RAB39A: variants seen among roughly 807,000 people sequenced by gnomAD.
RAB39A encodes ras-related protein Rab-39A.
RAB39A carries 17 observed loss-of-function variants against 20.9 expected under a neutral mutation model. The observed-to-expected ratio is 0.81, with a 90% CI of 0.56 to 1.22. The LOEUF is 1.22. Among genes scored for constraint, RAB39A ranks in the 50% most tolerant of loss-of-function variants. RAB39A has a pLI of 0.00. For missense variants in RAB39A, 234 were observed against 270.5 expected, an observed-to-expected ratio of 0.87 and a Z score of 0.95; for synonymous variants, 99 against 103.4, an observed-to-expected ratio of 0.96 and a Z score of 0.26.
At chr11:107,952,831 C>T (rs879394878) in intron 1 of RAB39A, among the ~76,000 whole-genome samples, 5 of 152,110 alleles carry the variant, frequency 3.3e-5, no homozygotes, top group African/African-American at 7.2e-5. Context: ...TGCAGTGAGC[C>T]GAGATCACGC....
chr11:107,928,898 G>A lies in RAB39A; in HGVS notation c.227+103G>A. 1.1e-6 allele frequency: 1 copy of A among 916,222 alleles called. No individual in the cohort carries two copies. Among genetic ancestry groups the A allele is most frequent in the South Asian group, 2.2e-5 (1 of 45,662 alleles). 56.8% of individuals were successfully genotyped at this position (916,222 alleles called of 1,614,324 possible). A position where few individuals can be genotyped will look rare whatever the true frequency, so the allele number is the denominator to read the frequency against. ...GCCGGCCCTGGTCGGGAGAGGCTCT[G>A]GCCCTTCCCTCTCGAAAGTGCAAAC... On this transcript the variant is annotated intron_variant, in intron 1 of 1. Coordinates refer to ENST00000320578, the MANE Select transcript of RAB39A (RefSeq NM_017516.3). The surrounding 1 kb of genome is among the most constrained non-coding windows in gnomAD (Gnocchi z 4.9).
intron 1 of RAB39A, among the ~76,000 whole-genome samples, chr11:107,937,355 G>C (rs1425714333): frequency 1.3e-5 from 2 of 151,938 alleles, no homozygotes; most frequent in Admixed American, 1.3e-4. Flanking sequence ...GCCCAGGCTG[G>C]TTTTGAACTT....
chr11:107,942,140 C>G (rs1321748894), intron 1 of RAB39A, among the ~76,000 whole-genome samples: 1 of 136,342 alleles, frequency 7.3e-6, no homozygotes, highest in African/African-American at 2.7e-5. Flanking sequence ...TTTGATAGAA[C>G]AGATGGGTAG....
Position 107,928,473 on chromosome 11 carries a change from G to A in RAB39A, c.-96G>A, listed in dbSNP as rs751095285. ...AGCCGCAGGAATATGCTGGAAGGCGGCGGGCGGGCGCCCGCGAGGTGCTGA... is the reference window on the plus strand; with the variant it reads ...AGCCGCAGGAATATGCTGGAAGGCGACGGGCGGGCGCCCGCGAGGTGCTGA... On this transcript the variant is annotated 5_prime_UTR_variant, in exon 1 of 2. Transcript: ENST00000320578. This position sits in a 1 kb window ranked among gnomAD's most constrained non-coding sequence, Gnocchi z 4.9. The A allele has an allele frequency of 3.0e-4, 277 of 922,026 alleles. No homozygotes were observed. Among genetic ancestry groups the A allele is most frequent in the Non-Finnish European group, 3.8e-4 (259 of 678,228 alleles). The allele number at this position is 922,026 out of a possible 1,614,324, so 57.1% of individuals were successfully genotyped here. A position where few individuals can be genotyped will look rare whatever the true frequency, so the allele number is the denominator to read the frequency against.
rs754580973 is a variant in RAB39A, at chr11:107,928,830, C to T, written c.227+35C>T. 6.8e-7 allele frequency: 1 copy of T among 1,461,308 alleles called. No individual in the cohort carries two copies. The highest frequency in any genetic ancestry group is 2.2e-5 in the Admixed American group (1 of 44,702). The allele number at this position is 1,461,308 out of a possible 1,614,324, so 90.5% of individuals were successfully genotyped here. A position where few individuals can be genotyped will look rare whatever the true frequency, so the allele number is the denominator to read the frequency against. ...CCGGGGACCTTGGGCACCGCGCCGC[C>T]CCCTCAGCCCGCCCGGACGCCCCTT... On this transcript the variant is annotated intron_variant, in intron 1 of 1. Coordinates refer to ENST00000320578, the MANE Select transcript of RAB39A (RefSeq NM_017516.3). The surrounding 1 kb of genome is among the most constrained non-coding windows in gnomAD (Gnocchi z 4.9).
intron 1 of RAB39A, among the ~76,000 whole-genome samples, chr11:107,940,653 T>C (rs1352036019): frequency 6.6e-6 from 1 of 152,136 alleles, no homozygotes; most frequent in Non-Finnish European, 1.5e-5. Context: ...TCTGATAATA[T>C]ATGATTCAGG....
chr11:107,929,829 A>G (rs1003193552), intron 1 of RAB39A, among the ~76,000 whole-genome samples: 47 of 152,210 alleles, frequency 3.1e-4, no homozygotes, highest in Non-Finnish European at 5.9e-4. Context: ...TTTTAGAGGA[A>G]GATGGTGAAA....
chr11:107,933,847 G>T (rs1332446979), intron 1 of RAB39A, among the ~76,000 whole-genome samples: 5 of 148,672 alleles, frequency 3.4e-5, no homozygotes, highest in African/African-American at 1.2e-4. Context: ...GTAGAGACGA[G>T]GTTTCACCAT....
At chr11:107,938,959 A>G (rs1861230046) in intron 1 of RAB39A, among the ~76,000 whole-genome samples, 1 of 152,042 alleles carries the variant, frequency 6.6e-6, no homozygotes, top group Non-Finnish European at 1.5e-5. Flanking sequence ...TAATTAATAC[A>G]TCCTGAAGTA....
At chr11:107,946,991 G>A (rs966170008) in intron 1 of RAB39A, among the ~76,000 whole-genome samples, 4 of 151,996 alleles carry the variant, frequency 2.6e-5, no homozygotes, top group East Asian at 1.9e-4. Flanking sequence ...TGTGCACTCC[G>A]GCCTGGGAGA....
At chr11:107,943,904 G>A (rs1015654691) in intron 1 of RAB39A, among the ~76,000 whole-genome samples, 2 of 152,092 alleles carry the variant, frequency 1.3e-5, no homozygotes, top group African/African-American at 4.8e-5. Context: ...AGACCAGCCT[G>A]GCCAACATGG....
chr11:107,928,722 C>A lies in RAB39A; in HGVS notation c.154C>A (p.Arg52Ser). The A allele has an allele frequency of 6.2e-7, 1 of 1,610,258 alleles. No homozygotes were observed. Among genetic ancestry groups the A allele is most frequent in the East Asian group, 2.2e-5 (1 of 44,658 alleles). The change falls in exon 1 of 2, where the codon CGC becomes AGC. Residue 52 changes from arginine to serine, a missense_variant. Coordinates refer to ENST00000320578, the MANE Select transcript of RAB39A (RefSeq NM_017516.3). The surrounding 1 kb of genome is among the most constrained non-coding windows in gnomAD (Gnocchi z 4.9). Reference protein sequence around the residue: ...DPTVGVDFFSRLLEIEPGKRI... With the variant: ...DPTVGVDFFSSLLEIEPGKRI... ...CACCGTCGGCGTGGACTTCTTCTCC[C>A]GCCTGCTGGAGATCGAGCCGGGCAA...
At chr11:107,957,468 A>G (rs1338483104) in intron 1 of RAB39A, among the ~76,000 whole-genome samples, 6 of 152,242 alleles carry the variant, frequency 3.9e-5, no homozygotes, top group Admixed American at 2.6e-4. Flanking sequence ...CTCAGGGACC[A>G]GCAGTTTTCA....
chr11:107,930,545 TTTAA>T (rs1490922353), intron 1 of RAB39A, among the ~76,000 whole-genome samples: 2 of 152,176 alleles, frequency 1.3e-5, no homozygotes, highest in African/African-American at 4.8e-5. Context: ...TCTTATTGTG[TTTAA>T]TTAGTTCCTT....
At chr11:107,955,964 T>C (rs1861431201) in intron 1 of RAB39A, among the ~76,000 whole-genome samples, 1 of 152,176 alleles carries the variant, frequency 6.6e-6, no homozygotes, top group African/African-American at 2.4e-5. Context: ...AACATACCCC[T>C]GATTAAAGGA....
In RAB39A at chr11:107,954,960, A is replaced by G. The variant is rs117348099; in HGVS notation, c.228-6986A>G. Reference sequence around the variant, plus strand: ...AAGCCAAGAATTATTTTACAAAAGTATAATAGTATTTGACAAAGAAAGCAT... The same window carrying G: ...AAGCCAAGAATTATTTTACAAAAGTGTAATAGTATTTGACAAAGAAAGCAT... On this transcript the variant is annotated intron_variant, in intron 1 of 1. Coordinates refer to ENST00000320578, the MANE Select transcript of RAB39A (RefSeq NM_017516.3). Among the ~76,000 whole-genome samples, 37 of 145,952 alleles carry G rather than the reference A, an allele frequency of 2.5e-4. No individual in the cohort carries two copies. The East Asian group carries it at 7.5e-3, about 30-fold the overall frequency.
intron 1 of RAB39A, among the ~76,000 whole-genome samples, chr11:107,932,648 G>A (rs186813679): frequency 6.6e-6 from 1 of 152,324 alleles, no homozygotes; most frequent in Admixed American, 6.5e-5. Flanking sequence ...TGCCTAGGAT[G>A]TAGGAAAGAT....
intron 1 of RAB39A, among the ~76,000 whole-genome samples, chr11:107,950,037 G>A (rs971972286): frequency 1.7e-4 from 26 of 152,094 alleles, no homozygotes; most frequent in African/African-American, 2.9e-4. Context: ...AAAATTAGCC[G>A]GGCGTGGTGG....
chr11:107,941,079 G>A (rs1565462982), intron 1 of RAB39A, among the ~76,000 whole-genome samples: 1 of 151,948 alleles, frequency 6.6e-6, no homozygotes, highest in Non-Finnish European at 1.5e-5. Flanking sequence ...AAGATTATAC[G>A]TTCTCAAATT....
Sources: allele counts gnomAD v4.1 joint callset (sites outside exome capture counted in the v4.1 genomes callset), GRCh38; gene constraint gnomAD v4.1.1; non-coding constraint Gnocchi (gnomAD v3.1); transcripts MANE v1.5; gene names NCBI Gene and HGNC (gene_info 2026-07-23, HGNC 2026-07-21).